C1QTNF7: variants seen among roughly 807,000 people sequenced by gnomAD.
The protein encoded by C1QTNF7 is C1q and TNF related 7.
Under a neutral mutation model 19.6 loss-of-function variants are expected in C1QTNF7, and 15 were observed. That is an observed-to-expected ratio of 0.76 (90% CI 0.51 to 1.18). The LOEUF (loss-of-function observed/expected upper bound fraction) is 1.18. Among genes scored for constraint, C1QTNF7 ranks in the 50% most tolerant of loss-of-function variants. The probability of loss-of-function intolerance (pLI) is 0.00; values close to 1 mark genes in which losing one functional copy is unlikely to be tolerated. For missense variants in C1QTNF7, 324 were observed against 359.7 expected (o/e 0.90, Z 0.80); for synonymous variants, 142 against 137.5 (o/e 1.03, Z -0.23).
At chr4:15,403,183 A>G (rs549260089) in intron 1 of C1QTNF7, among the ~76,000 whole-genome samples, 11 of 152,102 alleles carry the variant, frequency 7.2e-5, no homozygotes, top group Admixed American at 1.3e-4. Context: ...TGCTCAGAAG[A>G]ATGTGCCCAG....
intron 1 of C1QTNF7, among the ~76,000 whole-genome samples, chr4:15,375,685 G>A (rs574787711): frequency 6.6e-6 from 1 of 152,152 alleles, no homozygotes; most frequent in Admixed American, 6.5e-5. Flanking sequence ...CATATGTCCC[G>A]AGTCCTCACA....
At chr4:15,422,514 G>A (rs945917875) in intron 1 of C1QTNF7, among the ~76,000 whole-genome samples, 6 of 152,036 alleles carry the variant, frequency 3.9e-5, no homozygotes, top group Non-Finnish European at 7.4e-5. Context: ...ATTATTTCCT[G>A]TCCATTCAAT....
Position 15,371,924 on chromosome 4 carries a change from G to C in C1QTNF7, c.13+31717G>C, listed in dbSNP as rs189736895. 1.9e-4 allele frequency among the ~76,000 whole-genome samples: 29 copies of C among 152,122 alleles called. 1 individual carries two copies. The East Asian group carries it at 5.6e-3, about 29-fold the overall frequency. ...TGCCTCCAGGCAACTCAATAGGAAA[G>C]AGTAGGAAAGGAAAGGAAAGGGTCA... On this transcript the variant is annotated intron_variant, in intron 1 of 2. Coordinates refer to the C1QTNF7 transcript ENST00000295297.
intron 1 of C1QTNF7, among the ~76,000 whole-genome samples, chr4:15,422,048 G>A (rs557195810): frequency 2.3e-4 from 35 of 152,110 alleles, no homozygotes; most frequent in African/African-American, 8.2e-4. Flanking sequence ...TGACTACAAA[G>A]GGACATAAGG....
intron 1 of C1QTNF7, among the ~76,000 whole-genome samples, chr4:15,384,898 C>T (rs1057095010): frequency 9.2e-5 from 14 of 152,156 alleles, no homozygotes; most frequent in African/African-American, 3.1e-4. Flanking sequence ...TATCAGCCCT[C>T]ACCAGCACCA....
chr4:15,351,191 C>T (rs1345616419), intron 1 of C1QTNF7, among the ~76,000 whole-genome samples: 1 of 152,144 alleles, frequency 6.6e-6, no homozygotes. Context: ...ATTAGGTATG[C>T]AAAGTATTGT....
chr4:15,433,141 C>A (rs1201141926), intron 1 of C1QTNF7, among the ~76,000 whole-genome samples: 1 of 152,138 alleles, frequency 6.6e-6, no homozygotes, highest in Non-Finnish European at 1.5e-5. Context: ...TAGCCTTGCA[C>A]CCCATGTCTA....
At chr4:15,355,808 T>C (rs1717124763) in intron 1 of C1QTNF7, among the ~76,000 whole-genome samples, 1 of 152,118 alleles carries the variant, frequency 6.6e-6, no homozygotes. Flanking sequence ...ACAAAAACCC[T>C]TTGCCCAGTT....
chr4:15,342,670 A>C lies in C1QTNF7; in HGVS notation c.13+2463A>C, dbSNP rs912016717. Among the ~76,000 whole-genome samples the C allele has an allele frequency of 8.6e-4, 131 of 152,342 alleles. 1 individual carries two copies. The highest frequency in any genetic ancestry group is 2.9e-3 in the African/African-American group (119 of 41,576). ...CAGAGGCCGGCAGGCAAAGGCACAG[A>C]GGTGCAAAGAGCATGGATGAGCCCA... On this transcript the variant is annotated intron_variant, in intron 1 of 2. Coordinates refer to the C1QTNF7 transcript ENST00000295297.
In C1QTNF7 at chr4:15,442,909, T is replaced by A; in HGVS notation, c.*110T>A. The A allele has an allele frequency of 2.6e-6, 3 of 1,165,982 alleles. No individual in the cohort carries two copies. The highest frequency in any genetic ancestry group is 1.5e-5 in the African/African-American group (1 of 64,936). The allele number at this position is 1,165,982 out of a possible 1,614,324, so 72.2% of individuals were successfully genotyped here. A position where few individuals can be genotyped will look rare whatever the true frequency, so the allele number is the denominator to read the frequency against. The stretch of plus-strand genomic sequence containing the variant: ...ACTCCCACTCAGATTCTAAAGCATT[T>A]AAAGACAATTCTAGCAGAATTTATC... On this transcript the variant is annotated 3_prime_UTR_variant, in exon 3 of 3. Transcript: ENST00000444304.
At chr4:15,358,697 A>G (rs1717232786) in intron 1 of C1QTNF7, 1 of 152,184 alleles carries the variant, frequency 6.6e-6, no homozygotes, top group African/African-American at 2.4e-5. Context: ...GTTAAAGAAG[A>G]TAAAAGAAAA....
In C1QTNF7 at chr4:15,440,907, G is replaced by A. The variant is rs558912182; in HGVS notation, c.239-1261G>A. On this transcript the variant is annotated intron_variant, in intron 2 of 2. Transcript: ENST00000444304. ...CCAAATCTCAGCACTTTGGGAGGCCGAGGCAGGCGGATCACCTGAGGTCAG... is the reference window on the plus strand; with the variant it reads ...CCAAATCTCAGCACTTTGGGAGGCCAAGGCAGGCGGATCACCTGAGGTCAG... 3.9e-5 allele frequency among the ~76,000 whole-genome samples: 6 copies of A among 152,246 alleles called. No individual in the cohort carries two copies. The South Asian group carries it at 1.0e-3, about 26-fold the overall frequency.
chr4:15,380,711 G>A (rs13149185), intron 1 of C1QTNF7, among the ~76,000 whole-genome samples: 72,793 of 151,580 alleles, frequency 0.48, 19,027 homozygotes, highest in African/African-American at 0.69. Flanking sequence ...AAGACAAGTG[G>A]ATCACTTGAG....
exon 1 of C1QTNF7, chr4:15,340,077 G>T (rs1716486291): frequency 8.5e-7 from 1 of 1,177,064 alleles, no homozygotes; most frequent in Non-Finnish European, 1.2e-6. Context: ...GCATTGTTTT[G>T]GAGTAGCTTC....
chr4:15,425,170 C>A (rs575888571), upstream of C1QTNF7, among the ~76,000 whole-genome samples: 1 of 152,122 alleles, frequency 6.6e-6, no homozygotes, highest in African/African-American at 2.4e-5. Flanking sequence ...GTAGATAAGG[C>A]AAAGATTCCT....
chr4:15,348,618 G>A (rs1716796695), intron 1 of C1QTNF7, among the ~76,000 whole-genome samples: 1 of 152,174 alleles, frequency 6.6e-6, no homozygotes, highest in African/African-American at 2.4e-5. Flanking sequence ...CTTACCTAAA[G>A]TGGGCAGTCA....
intron 1 of C1QTNF7, among the ~76,000 whole-genome samples, chr4:15,386,460 C>A (rs1331428294): frequency 6.6e-6 from 1 of 152,088 alleles, no homozygotes; most frequent in African/African-American, 2.4e-5. Flanking sequence ...AAAATACCTG[C>A]CCTCGTGGAG....
chr4:15,400,382 C>G (rs1718939721), intron 1 of C1QTNF7, among the ~76,000 whole-genome samples: 1 of 152,084 alleles, frequency 6.6e-6, no homozygotes, highest in African/African-American at 2.4e-5. Context: ...ATAATGCTGT[C>G]AACAGCATTA....
intron 1 of C1QTNF7, among the ~76,000 whole-genome samples, chr4:15,369,529 G>A (rs1352142696): frequency 6.6e-6 from 1 of 152,038 alleles, no homozygotes; most frequent in Non-Finnish European, 1.5e-5. Flanking sequence ...ATCTGTTATT[G>A]TTTGTTTCCT....
Sources: gnomAD v4.1 joint callset for allele counts (sites outside exome capture counted in the v4.1 genomes callset) on GRCh38, gnomAD v4.1.1 for gene constraint, MANE v1.5 for transcripts, NCBI Gene and HGNC (gene_info 2026-07-23, HGNC 2026-07-21) for gene names.